Variants in ANXA8 observed in about 807,000 individuals in gnomAD.
ANXA8 encodes the protein VAC-beta.
In ANXA8, 9 loss-of-function variants were observed where a neutral mutation model predicts 26.8. The ratio of observed to expected loss-of-function variants is 0.34; its 90% CI spans 0.20 to 0.59. ANXA8 has a LOEUF of 0.59. Ranked by LOEUF, ANXA8 falls within the 20% of genes least tolerant of loss-of-function variation. The probability of loss-of-function intolerance (pLI) is 0.84; values close to 1 mark genes in which losing one functional copy is unlikely to be tolerated. For synonymous variants in ANXA8, 39 were observed against 94.8 expected, an observed-to-expected ratio of 0.41 and a Z score of 3.42; for missense variants, 83 against 238.5, an observed-to-expected ratio of 0.35 and a Z score of 4.29.
chr10:47,715,994 C>G, the ANXA8 span: 3 of 1,253,388 alleles, frequency 2.4e-6, no homozygotes, highest in Non-Finnish European at 2.2e-6. Flanking sequence ...AGTGATTCTC[C>G]CCGCTCAGCC....
At chr10:47,597,566 A>G in the ANXA8 span, among the ~76,000 whole-genome samples, 1 of 145,714 alleles carries the variant, frequency 6.9e-6, no homozygotes, top group Non-Finnish European at 1.5e-5. Context: ...AAGTTTTAAG[A>G]TAAGAAATCA....
the ANXA8 span, among the ~76,000 whole-genome samples, chr10:47,970,839 G>C: frequency 2.6e-5 from 4 of 151,322 alleles, no homozygotes; most frequent in Non-Finnish European, 4.4e-5. Flanking sequence ...GATGGCGAAG[G>C]CTGGGTTTGC....
the ANXA8 span, among the ~76,000 whole-genome samples, chr10:47,496,705 G>A: frequency 4.9e-3 from 714 of 146,862 alleles, 2 homozygotes; most frequent in Non-Finnish European, 7.3e-3. Flanking sequence ...TTTCATAACC[G>A]TGACATCTTG....
chr10:47,513,113 C>CCAAGTGAGGCAGGTG, the ANXA8 span, among the ~76,000 whole-genome samples: 1 of 147,532 alleles, frequency 6.8e-6, no homozygotes, highest in Non-Finnish European at 1.5e-5. Flanking sequence ...TGGCTCACTG[C>CCAAGTGAGGCAGGTG]AACCTCTGCC....
In ANXA8 at chr10:47,474,995, C is replaced by A. The variant is rs1839470063; in HGVS notation, c.502G>T (p.Asp168Tyr). The A allele has an allele frequency of 1.3e-6, 2 of 1,531,672 alleles. No individual in the cohort carries two copies. Among genetic ancestry groups the A allele is most frequent in the East Asian group, 5.9e-5 (2 of 33,702 alleles). The allele number at this position is 1,531,672 out of a possible 1,614,324, so 94.9% of individuals were successfully genotyped here. ...ILVCLLQGSRDDVSSFVDPGL... is the reference protein window; with the variant it reads ...ILVCLLQGSRYDVSSFVDPGL... ...GGGTCCACAAAGCTGCTCACATCATCCCTGCTGCCCTAGGAACAGAGGAGG... is the reference window on the plus strand; with the variant it reads ...GGGTCCACAAAGCTGCTCACATCATACCTGCTGCCCTAGGAACAGAGGAGG... Residue 168 changes from aspartate to tyrosine, a missense_variant, in exon 7 of 12, where the codon GAT becomes TAT. Physicochemically the swap from Asp to Tyr is radical, Grantham distance 160. Around this residue, in one of 6 missense-constraint regions of ANXA8, gnomAD observed 24 missense variants for 30.6 expected, o/e 0.78. Coordinates refer to ENST00000585281, the MANE Select transcript of ANXA8 (RefSeq NM_001040084.3).
the ANXA8 span, among the ~76,000 whole-genome samples, chr10:47,669,704 G>A: frequency 1.3e-5 from 2 of 151,430 alleles, no homozygotes; most frequent in East Asian, 3.9e-4. Context: ...GACAGAATGA[G>A]ACCCTATCTC....
At chr10:47,680,204 CTGG>C in the ANXA8 span, among the ~76,000 whole-genome samples, 1 of 151,678 alleles carries the variant, frequency 6.6e-6, no homozygotes, top group Admixed American at 6.6e-5. Flanking sequence ...ATCTCAAATT[CTGG>C]TGTTCTATTG....
the ANXA8 span, among the ~76,000 whole-genome samples, chr10:47,535,492 A>G: frequency 1.4e-5 from 2 of 141,338 alleles, no homozygotes; most frequent in Non-Finnish European, 3.0e-5. Flanking sequence ...ATAAAATAAA[A>G]CTAATAGCAA....
chr10:47,495,289 A>ATTATTATTATTAT, the ANXA8 span, among the ~76,000 whole-genome samples: 18 of 100,548 alleles, frequency 1.8e-4, no homozygotes, highest in Non-Finnish European at 3.6e-4. Context: ...TATTATTATT[A>ATTATTATTATTAT]TTATTATTAT....
intron 1 of ANXA8, among the ~76,000 whole-genome samples, 172 bp downstream of exon 1, chr10:47,483,741 C>A (rs1839939596): frequency 1.4e-5 from 2 of 147,768 alleles, no homozygotes; most frequent in Admixed American, 6.7e-5. Flanking sequence ...CACTCTAGGC[C>A]TGGGACTGTT....
chr10:47,703,954 C>T, the ANXA8 span, among the ~76,000 whole-genome samples: 4 of 143,536 alleles, frequency 2.8e-5, no homozygotes, highest in Admixed American at 1.4e-4. Flanking sequence ...AAGGGAAGGA[C>T]GTTCTACTAA....
chr10:47,937,123 C>T, the ANXA8 span, among the ~76,000 whole-genome samples: 3 of 149,364 alleles, frequency 2.0e-5, no homozygotes, highest in African/African-American at 7.3e-5. Flanking sequence ...GCCCAGATCA[C>T]CCCCTACAAT....
chr10:47,500,595 A>G, the ANXA8 span, among the ~76,000 whole-genome samples: 43 of 113,588 alleles, frequency 3.8e-4, 1 homozygote, highest in Middle Eastern at 0.014. Flanking sequence ...TAATATACTC[A>G]TGTGTTTTTT....
the ANXA8 span, among the ~76,000 whole-genome samples, chr10:47,968,902 C>T: frequency 7.0e-6 from 1 of 143,868 alleles, no homozygotes; most frequent in African/African-American, 2.5e-5. Context: ...ATAATGGTAC[C>T]AGATTAAATT....
chr10:47,477,274 C>G, intron 3 of ANXA8, 80 bp from the exon 4 acceptor site: 2 of 1,587,000 alleles, frequency 1.3e-6, no homozygotes, highest in Non-Finnish European at 1.7e-6. Flanking sequence ...GTGGCTGGGT[C>G]CAGGGGCTTG....
chr10:47,761,094 A>ACACACACG, the ANXA8 span, among the ~76,000 whole-genome samples: 2 of 71,078 alleles, frequency 2.8e-5, no homozygotes, highest in Admixed American at 2.0e-4. Context: ...CAACACACAC[A>ACACACACG]CACACACGCA....
At chr10:47,593,920 G>T in the ANXA8 span, among the ~76,000 whole-genome samples, 1 of 144,894 alleles carries the variant, frequency 6.9e-6, no homozygotes, top group East Asian at 2.0e-4. Context: ...GCACGGCTAG[G>T]ACAAAGCAGG....
chr10:47,486,972 C>CAAAACAAAAACAAAAACA (rs1243393744), upstream of ANXA8, among the ~76,000 whole-genome samples: 244 of 142,304 alleles, frequency 1.7e-3, 5 homozygotes, highest in Admixed American at 0.014. Flanking sequence ...GACTCTATCT[C>CAAAACAAAAACAAAAACA]AAAACAAAAA....
At chr10:47,748,458 T>G in the ANXA8 span, among the ~76,000 whole-genome samples, 1 of 151,976 alleles carries the variant, frequency 6.6e-6, no homozygotes, top group Admixed American at 6.6e-5. Flanking sequence ...GGTGATCCAC[T>G]GGCCTTGGCC....
Sources: allele counts gnomAD v4.1 joint callset (sites outside exome capture counted in the v4.1 genomes callset), GRCh38; gene constraint gnomAD v4.1.1; regional missense constraint gnomAD v4.1.1; transcripts MANE v1.5; gene names NCBI Gene and HGNC (gene_info 2026-07-23, HGNC 2026-07-21).